The following ANKRD36B variants were observed in gnomAD, a reference collection of about 807,000 sequenced individuals.
ANKRD36B encodes the protein ankyrin repeat domain 36B.
Under a neutral mutation model 135.7 loss-of-function variants are expected in ANKRD36B, and 37 were observed. That is an observed-to-expected ratio of 0.27 (90% CI 0.21 to 0.36). ANKRD36B has a LOEUF of 0.36. Ranked by LOEUF, ANKRD36B falls within the 10% of genes least tolerant of loss-of-function variation. The pLI is 1.00. For synonymous variants in ANKRD36B, 179 were observed against 348.1 expected, an observed-to-expected ratio of 0.51 and a Z score of 5.41; for missense variants, 549 against 1,037.1, an observed-to-expected ratio of 0.53 and a Z score of 6.46.
chr2:97,573,067 C>A (rs1176691034), intron 6 of ANKRD36B, among the ~76,000 whole-genome samples: 1 of 151,984 alleles, frequency 6.6e-6, no homozygotes, highest in African/African-American at 2.4e-5. Flanking sequence ...TCCCCACTCC[C>A]CCCACCCCAC....
rs1318044915 is a variant in ANKRD36B at position 97,543,831 on chromosome 2, T to C, written c.1742A>G (p.Asn581Ser). The C allele has an allele frequency of 2.8e-4, 58 of 210,032 alleles. 5 individuals carry two copies. The Admixed American group carries it at 4.2e-3, about 15-fold the overall frequency. The allele number at this position is 210,032 out of a possible 1,614,324, so 13.0% of individuals were successfully genotyped here. A position where few individuals can be genotyped will look rare whatever the true frequency, so the allele number is the denominator to read the frequency against. The change falls in exon 26 of 44, where the codon AAT becomes AGT. Residue 581 changes from asparagine to serine, a missense_variant. Coordinates refer to ENST00000359901, the MANE Select transcript of ANKRD36B (RefSeq NM_001393939.1). ...ATSDKKDSVSNIPTEIKDGQQ... is the reference protein window; with the variant it reads ...ATSDKKDSVSSIPTEIKDGQQ... ...TCCATCCTTTATTTCTGTGGGTATA[T>C]TCGAAACAGAATCTTTCTTGTCACT...
rs1441872787 is a variant in ANKRD36B at position 97,533,762 on chromosome 2, A to G, written c.2192-1378T>C. Among the ~76,000 whole-genome samples, 4 of 95,862 alleles carry G rather than the reference A, an allele frequency of 4.2e-5. 2 individuals carry two copies. The highest frequency in any genetic ancestry group is 1.3e-4 in the African/African-American group (4 of 31,888). The allele number at this position is 95,862 out of a possible 152,430, so 62.9% of individuals were successfully genotyped here. Reference sequence around the variant, plus strand: ...TGCAAGAAGATATGTAAACCACATCAAAAATAGTGTATAGGCTGGGTGTGG... The same window carrying G: ...TGCAAGAAGATATGTAAACCACATCGAAAATAGTGTATAGGCTGGGTGTGG... On this transcript the variant is annotated intron_variant, in intron 34 of 43. Transcript: ENST00000359901.
chr2:97,519,674 A>G (rs2077899051), intron 36 of ANKRD36B, among the ~76,000 whole-genome samples: 1 of 74,696 alleles, frequency 1.3e-5, no homozygotes, highest in Non-Finnish European at 3.7e-5. Flanking sequence ...AGGCAAAACT[A>G]TGGATAAAGT....
At chr2:97,557,345 C>T (rs375661725) in intron 10 of ANKRD36B, among the ~76,000 whole-genome samples, 2 of 151,458 alleles carry the variant, frequency 1.3e-5, no homozygotes, top group Admixed American at 1.3e-4. Context: ...TCAGAAATTA[C>T]AAAGAGGTAT....
Position 97,554,557 on chromosome 2 carries a change from A to G in ANKRD36B, c.1171+503T>C, listed in dbSNP as rs200936610. Reference sequence around the variant, plus strand: ...TCTCCTCAGCAGAAACCCCAAAATTACATAAATAACTTCATCTTTTCCCTC... The same window carrying G: ...TCTCCTCAGCAGAAACCCCAAAATTGCATAAATAACTTCATCTTTTCCCTC... On this transcript the variant is annotated intron_variant, in intron 14 of 43. Coordinates refer to ENST00000359901, the MANE Select transcript of ANKRD36B (RefSeq NM_001393939.1). Among the ~76,000 whole-genome samples, 1,010 of 152,028 alleles carry G rather than the reference A, an allele frequency of 6.6e-3. 58 individuals carry two copies. In the East Asian group the frequency reaches 0.11, roughly 16 times the overall value.
intron 6 of ANKRD36B, among the ~76,000 whole-genome samples, chr2:97,566,860 G>A (rs2081476545): frequency 6.6e-6 from 1 of 152,100 alleles, no homozygotes; most frequent in East Asian, 1.9e-4. Flanking sequence ...TTTTTCCCCA[G>A]CAACAAGCAA....
rs2078110300 is a variant in ANKRD36B at position 97,524,885 on chromosome 2, CACT to C, written c.2266-1421_2266-1419del. 5.1e-5 allele frequency: 5 copies of C among 97,246 alleles called. 2 individuals carry two copies. Among genetic ancestry groups the C allele is most frequent in the African/African-American group, 1.5e-4 (5 of 32,360 alleles). 6.0% of individuals were successfully genotyped at this position (97,246 alleles called of 1,614,324 possible). On this transcript the variant is annotated intron_variant, in intron 35 of 43. Coordinates refer to ENST00000359901, the MANE Select transcript of ANKRD36B (RefSeq NM_001393939.1). ...TATAAAGAGGTCCTTTCTATCACAACACTTTTTCACTACTAGTTGTTGAGACAA... is the reference window on the plus strand; with the variant it reads ...TATAAAGAGGTCCTTTCTATCACAACTTTTCACTACTAGTTGTTGAGACAA...
In ANKRD36B at chr2:97,578,923, A is replaced by G. The variant is rs2082400668; in HGVS notation, c.678T>C (p.Ser226=). 1.2e-6 allele frequency: 2 copies of G among 1,612,918 alleles called. No homozygotes were observed. The highest frequency in any genetic ancestry group is 1.7e-4 in the Middle Eastern group (1 of 6,054). ...VYGKLAEDYA[S]EAENRVIFDL... ...AGACTTACACTCTATTCTCAGCCTC[A>G]CTGGCATAATCTTCTGCAAGCTTTC... Residue 226 remains serine (S), a synonymous_variant, in exon 5 of 44, where the codon AGT becomes AGC. Transcript: ENST00000359901.
intron 40 of ANKRD36B, among the ~76,000 whole-genome samples, chr2:97,508,865 C>A (rs2077430941): frequency 9.2e-6 from 1 of 109,094 alleles, no homozygotes; most frequent in African/African-American, 2.5e-5. Context: ...GCCCACTTAA[C>A]CAACCCAAAC....
At chr2:97,548,846 A>G (rs1360244628) in intron 20 of ANKRD36B, among the ~76,000 whole-genome samples, 1 of 151,906 alleles carries the variant, frequency 6.6e-6, no homozygotes, top group Non-Finnish European at 1.5e-5. Flanking sequence ...ATTTTTTATT[A>G]AAATATTCCA....
chr2:97,557,768 C>T (rs1046795293), intron 10 of ANKRD36B, among the ~76,000 whole-genome samples: 1 of 151,774 alleles, frequency 6.6e-6, no homozygotes, highest in African/African-American at 2.4e-5. Context: ...GTTTAGGCTA[C>T]AGAAAGGTTC....
intron 20 of ANKRD36B, among the ~76,000 whole-genome samples, chr2:97,548,722 A>G (rs907654043): frequency 6.6e-6 from 1 of 151,988 alleles, no homozygotes; most frequent in South Asian, 2.1e-4. Flanking sequence ...TCAACAAAAC[A>G]TGTATCTCTG....
chr2:97,562,362 A>G (rs376739674), intron 6 of ANKRD36B, among the ~76,000 whole-genome samples: 2 of 151,958 alleles, frequency 1.3e-5, no homozygotes, highest in Non-Finnish European at 2.9e-5. Flanking sequence ...ATATACCATC[A>G]GGGTCTCTCA....
Position 97,511,968 on chromosome 2 carries a change from CT to C in ANKRD36B, c.2889del (p.Asp964ThrfsTer3). ...QDEIARLRLE[K>X]DTIKNQNLEK... ...TCCAGGTTTTGGTTTTTTATTGTGTCTTTTTCCAGCCTGAGCCTGGCAATTT... is the reference window on the plus strand; with the variant it reads ...TCCAGGTTTTGGTTTTTTATTGTGTCTTTTCCAGCCTGAGCCTGGCAATTT... On this transcript the variant is annotated frameshift_variant, in exon 39 of 44. Transcript: ENST00000359901. LOFTEE classifies it high-confidence loss of function. The C allele has an allele frequency of 7.4e-7, 1 of 1,342,788 alleles. No homozygotes were observed. The highest frequency in any genetic ancestry group is 1.0e-6 in the Non-Finnish European group (1 of 977,318). 83.2% of individuals were successfully genotyped at this position (1,342,788 alleles called of 1,614,324 possible).
chr2:97,530,019 C>A (rs547360369), intron 35 of ANKRD36B, among the ~76,000 whole-genome samples: 2 of 95,646 alleles, frequency 2.1e-5, no homozygotes, highest in East Asian at 2.3e-4. Flanking sequence ...CCATCAAGCT[C>A]CCAATGACTT....
intron 35 of ANKRD36B, among the ~76,000 whole-genome samples, chr2:97,530,831 A>C (rs2078539792): frequency 1.0e-5 from 1 of 98,024 alleles, no homozygotes; most frequent in African/African-American, 3.1e-5. Context: ...GCCATCAGAG[A>C]AATGCAAATC....
chr2:97,550,906 T>C (rs987020108), intron 18 of ANKRD36B, among the ~76,000 whole-genome samples: 1 of 151,882 alleles, frequency 6.6e-6, no homozygotes. Context: ...TATGGGTTAT[T>C]ATGAACAGTT....
chr2:97,580,159 A>G (rs2082533039), intron 4 of ANKRD36B, among the ~76,000 whole-genome samples: 1 of 152,252 alleles, frequency 6.6e-6, no homozygotes, highest in Admixed American at 6.5e-5. Flanking sequence ...TGTAAATAAC[A>G]CCACATCATC....
At position 97,524,812 on chromosome 2, in the gene ANKRD36B, T is replaced by C. The variant is rs1039904486; in HGVS notation, c.2266-1345A>G. The C allele has an allele frequency of 8.2e-5, 8 of 97,562 alleles. 3 individuals carry two copies. The highest frequency in any genetic ancestry group is 2.2e-4 in the Non-Finnish European group (8 of 36,608). The allele number at this position is 97,562 out of a possible 1,614,324, so 6.0% of individuals were successfully genotyped here. The stretch of plus-strand genomic sequence containing the variant: ...AGTTTTTTTACCCTAATTTGTCTTG[T>C]TTGATCCACATTCTCTCATACTTTT... On this transcript the variant is annotated intron_variant, in intron 35 of 43. Transcript: ENST00000359901.
Sources: gnomAD v4.1 joint callset for allele counts (sites outside exome capture counted in the v4.1 genomes callset) on GRCh38, gnomAD v4.1.1 for gene constraint, MANE v1.5 for transcripts, NCBI Gene and HGNC (gene_info 2026-07-23, HGNC 2026-07-21) for gene names.